Variants in C1QC observed in about 807,000 individuals in gnomAD.
C1QC encodes the protein complement C1q subcomponent subunit C.
A neutral mutation model predicts 5.9 loss-of-function variants in C1QC; 4 were observed. The ratio of observed to expected loss-of-function variants is 0.68; its 90% CI spans 0.33 to 1.55. C1QC has a LOEUF of 1.55. Among genes scored for constraint, C1QC ranks in the 40% most tolerant of loss-of-function variants. C1QC has a pLI of 0.06. For synonymous variants in C1QC, 166 were observed against 153.8 expected (o/e 1.08, Z -0.59); for missense variants, 299 against 326.9 (o/e 0.91, Z 0.66).
intron 2 of C1QC, among the ~76,000 whole-genome samples, chr1:22,644,638 G>A (rs534693929): frequency 4.6e-5 from 7 of 152,268 alleles, no homozygotes; most frequent in South Asian, 2.1e-4. Flanking sequence ...ATGTGAACCC[G>A]CACAAGTTAC....
rs529353525 is a variant in C1QC at position 22,643,967 on chromosome 1, C to G, written c.-13-44C>G. 9.0e-5 allele frequency: 141 copies of G among 1,561,880 alleles called. No homozygotes were observed. The South Asian group carries it at 1.7e-3, about 18-fold the overall frequency. On this transcript the variant is annotated intron_variant, in intron 1 of 2. Coordinates refer to ENST00000374640, the MANE Select transcript of C1QC (RefSeq NM_172369.5). Reference sequence around the variant, plus strand: ...CCCTGGGGAATGAGAGGGTTGGGGGCAGGTGAGGGGCTGGCGGGGACAGCT... The same window carrying G: ...CCCTGGGGAATGAGAGGGTTGGGGGGAGGTGAGGGGCTGGCGGGGACAGCT...
chr1:22,643,850 G>T, intron 1 of C1QC, 136 bp downstream of exon 1: 3 of 1,378,226 alleles, frequency 2.2e-6, no homozygotes, highest in Non-Finnish European at 2.8e-6. Flanking sequence ...GGGCCCCGGG[G>T]CCTGGGCTGA....
At chr1:22,647,023 A>T (rs1221074912) in intron 2 of C1QC, among the ~76,000 whole-genome samples, 1 of 152,192 alleles carries the variant, frequency 6.6e-6, no homozygotes, top group Non-Finnish European at 1.5e-5. Flanking sequence ...AGGTCAGTGG[A>T]GAAGCAGGAC....
chr1:22,647,869 T>C lies in C1QC; in HGVS notation c.*86T>C, dbSNP rs2148297806. On this transcript the variant is annotated 3_prime_UTR_variant, in exon 3 of 3. Coordinates refer to ENST00000374640, the MANE Select transcript of C1QC (RefSeq NM_172369.5). ...CCACCTTACTGGCCAGTCTGCATCC[T>C]TGCCTAGACCATTCTCCCCACCAGA... 1 of 1,558,028 alleles carries C rather than the reference T, an allele frequency of 6.4e-7. No homozygotes were observed.
intron 1 of C1QC, 77 bp downstream of exon 1, chr1:22,643,791 G>A (rs139518755): frequency 8.5e-5 from 113 of 1,332,072 alleles, no homozygotes; most frequent in South Asian, 5.2e-4. Flanking sequence ...GAAATGTGGT[G>A]CCAGGGGCAG....
In C1QC at chr1:22,644,173, C is replaced by T. The variant is rs1043458334; in HGVS notation, c.150C>T (p.Tyr50=). ...CCGGGGCACCAGGGAAGGATGGGTA[C>T]GACGGACTGCCGGGGCCCAAGGGGG... ...GLPGAPGKDG[Y]DGLPGPKGEP... Residue 50 remains tyrosine, a synonymous_variant, in exon 2 of 3, where the codon TAC becomes TAT. Transcript: ENST00000374640. The T allele has an allele frequency of 6.3e-6, 10 of 1,585,186 alleles. No homozygotes were observed. Among genetic ancestry groups the T allele is most frequent in the Middle Eastern group, 1.7e-4 (1 of 6,020 alleles).
In C1QC at chr1:22,647,559, G is replaced by A. The variant is rs772221556; in HGVS notation, c.514G>A (p.Ala172Thr). Residue 172 changes from alanine to threonine, a missense_variant, in exon 3 of 3, where the codon GCG becomes ACG. Coordinates refer to ENST00000374640, the MANE Select transcript of C1QC (RefSeq NM_172369.5). ...VPGLYYFVYHASHTANLCVLL... is the reference protein window; with the variant it reads ...VPGLYYFVYHTSHTANLCVLL... Reference sequence around the variant, plus strand: ...CGGCCTCTACTACTTTGTCTACCACGCGTCGCATACAGCCAACCTGTGCGT... The same window carrying A: ...CGGCCTCTACTACTTTGTCTACCACACGTCGCATACAGCCAACCTGTGCGT... The A allele has an allele frequency of 1.1e-5, 17 of 1,614,086 alleles. No individual in the cohort carries two copies. The highest frequency in any genetic ancestry group is 2.7e-5 in the African/African-American group (2 of 74,930).
Position 22,647,245 on chromosome 1 carries a change from G to T in C1QC, c.200G>T (p.Gly67Val), listed in dbSNP as rs2148296968. The part of the protein sequence containing the change: ...KGEPGIPAIP[G>V]IRGPKGQKGE... ...TCTCCAGGAATCCCAGCCATTCCCGGGATCCGAGGACCCAAAGGGCAGAAG... is the reference window on the plus strand; with the variant it reads ...TCTCCAGGAATCCCAGCCATTCCCGTGATCCGAGGACCCAAAGGGCAGAAG... Residue 67 changes from glycine to valine, a missense_variant, in exon 3 of 3, where the codon GGG becomes GTG. Physicochemically the swap from Gly to Val is moderately radical, Grantham distance 109. Transcript: ENST00000374640. The T allele has an allele frequency of 6.2e-7, 1 of 1,606,730 alleles. No homozygotes were observed. The highest frequency in any genetic ancestry group is 1.1e-5 in the South Asian group (1 of 91,066).
At chr1:22,644,870 G>A (rs944042898) in intron 2 of C1QC, among the ~76,000 whole-genome samples, 1 of 152,134 alleles carries the variant, frequency 6.6e-6, no homozygotes, top group Non-Finnish European at 1.5e-5. Context: ...GGGAGTAGGA[G>A]GTCAGGATCG....
At chr1:22,644,986 G>T (rs1391508143) in intron 2 of C1QC, among the ~76,000 whole-genome samples, 5 of 152,114 alleles carry the variant, frequency 3.3e-5, no homozygotes, top group African/African-American at 9.7e-5. Context: ...GCCCTGGGGG[G>T]TATGAGTGCC....
intron 2 of C1QC, 113 bp from the exon 3 acceptor site, chr1:22,647,114 G>C (rs1570084287): frequency 1.6e-6 from 2 of 1,259,970 alleles, no homozygotes; most frequent in East Asian, 5.0e-5. Context: ...CCATCTATGA[G>C]AAGGAGATTC....
chr1:22,643,944 C>T, intron 1 of C1QC, 67 bp from the exon 2 acceptor site: 7 of 1,526,984 alleles, frequency 4.6e-6, no homozygotes, highest in Non-Finnish European at 6.2e-6. Flanking sequence ...AGGACGGGCC[C>T]TGGGGAATGA....
In C1QC at chr1:22,647,595, C is replaced by T. The variant is rs777624236; in HGVS notation, c.550C>T (p.Arg184Cys). 71 of 1,614,126 alleles carry T rather than the reference C, an allele frequency of 4.4e-5. No individual in the cohort carries two copies. The highest frequency in any genetic ancestry group is 1.6e-4 in the Middle Eastern group (1 of 6,084). Reference protein sequence around the residue: ...HTANLCVLLYRSGVKVVTFCG... With the variant: ...HTANLCVLLYCSGVKVVTFCG... ...AGCCAACCTGTGCGTGCTGCTGTAC[C>T]GCAGCGGCGTCAAAGTGGTCACCTT... Residue 184 changes from arginine to cysteine, a missense_variant, in exon 3 of 3, where the codon CGC becomes TGC. Around this residue, in one of 3 missense-constraint regions of C1QC, gnomAD observed 144 missense variants for 155.1 expected, o/e 0.93. Coordinates refer to ENST00000374640, the MANE Select transcript of C1QC (RefSeq NM_172369.5).
At chr1:22,643,984 G>A in intron 1 of C1QC, 27 bp from the exon 2 acceptor site, 1 of 1,584,526 alleles carries the variant, frequency 6.3e-7, no homozygotes. Context: ...GGGGCTGGCG[G>A]GGACAGCTCA....
Position 22,647,278 on chromosome 1 carries a change from C to A in C1QC, c.233C>A (p.Pro78His). 1 of 1,612,366 alleles carries A rather than the reference C, an allele frequency of 6.2e-7. No individual in the cohort carries two copies. Among genetic ancestry groups the A allele is most frequent in the Non-Finnish European group, 8.5e-7 (1 of 1,179,980 alleles). The change falls in exon 3 of 3, where the codon CCC becomes CAC. Residue 78 changes from proline to histidine, a missense_variant. By Grantham distance (77) the Pro-to-His change is moderately conservative. Transcript: ENST00000374640. ...IRGPKGQKGE[P>H]GLPGHPGKNG... ...GGACCCAAAGGGCAGAAGGGAGAAC[C>A]CGGCTTACCCGGCCATCCTGGGAAA...
chr1:22,646,639 A>C (rs1047178133), intron 2 of C1QC, among the ~76,000 whole-genome samples: 1 of 152,294 alleles, frequency 6.6e-6, no homozygotes, highest in Admixed American at 6.5e-5. Flanking sequence ...CTTTGACTCT[A>C]TATTTCAAAA....
rs112877723 is a variant in C1QC at position 22,644,193 on chromosome 1, A to G, written c.170A>G (p.Lys57Arg). ...KDGYDGLPGP[K>R]GEPGIPAIPG... Reference sequence around the variant, plus strand: ...GGGTACGACGGACTGCCGGGGCCCAAGGGGGAGCCAGGTGAGTCTGCTGGC... The same window carrying G: ...GGGTACGACGGACTGCCGGGGCCCAGGGGGGAGCCAGGTGAGTCTGCTGGC... Residue 57 changes from lysine to arginine, a missense_variant, in exon 2 of 3, where the codon AAG becomes AGG. Coordinates refer to ENST00000374640, the MANE Select transcript of C1QC (RefSeq NM_172369.5). 8.9e-6 allele frequency: 14 copies of G among 1,575,506 alleles called. No individual in the cohort carries two copies. In the East Asian group the frequency reaches 1.1e-4, roughly 13 times the overall value.
In C1QC at chr1:22,647,148, G is replaced by A. The variant is rs774988047; in HGVS notation, c.182-79G>A. Reference sequence around the variant, plus strand: ...TCTAGAGACCAAATGCCAGCGCTGTGTTCCCTGGAAGACACCCTCAGGGTC... The same window carrying A: ...TCTAGAGACCAAATGCCAGCGCTGTATTCCCTGGAAGACACCCTCAGGGTC... On this transcript the variant is annotated intron_variant, in intron 2 of 2. Transcript: ENST00000374640. 4.0e-4 allele frequency: 615 copies of A among 1,522,410 alleles called. 1 individual carries two copies. The highest frequency in any genetic ancestry group is 5.0e-4 in the Non-Finnish European group (557 of 1,118,538). 94.3% of individuals were successfully genotyped at this position (1,522,410 alleles called of 1,614,324 possible).
intron 2 of C1QC, among the ~76,000 whole-genome samples, chr1:22,645,507 C>G (rs1360948338): frequency 6.6e-6 from 1 of 152,250 alleles, no homozygotes; most frequent in Non-Finnish European, 1.5e-5. Context: ...AGTCCACATT[C>G]TCCACCACTG....
Sources: allele counts gnomAD v4.1 joint callset (sites outside exome capture counted in the v4.1 genomes callset), GRCh38; gene constraint gnomAD v4.1.1; regional missense constraint gnomAD v4.1.1; transcripts MANE v1.5; gene names NCBI Gene and HGNC (gene_info 2026-07-23, HGNC 2026-07-21).